WDR7: variants seen among roughly 807,000 people sequenced by gnomAD.
The protein encoded by WDR7 is WD repeat domain 7.
WDR7 carries 46 observed loss-of-function variants against 169.4 expected under a neutral mutation model. That is an observed-to-expected ratio of 0.27 (90% CI 0.21 to 0.35). The LOEUF is 0.35. Among genes scored for constraint, WDR7 ranks in the 10% least tolerant of loss-of-function variants. The pLI is 1.00. For missense variants in WDR7, 1,534 were observed against 1,859.3 expected (o/e 0.83, Z 3.22); for synonymous variants, 612 against 666.8 (o/e 0.92, Z 1.27).
At chr18:56,914,553 T>C (rs575053131) in intron 21 of WDR7, among the ~76,000 whole-genome samples, 1 of 152,152 alleles carries the variant, frequency 6.6e-6, no homozygotes, top group Non-Finnish European at 1.5e-5. Flanking sequence ...CCTCCTTCCA[T>C]CTCTTTCGCT....
chr18:56,880,065 A>T lies in WDR7; in HGVS notation c.3426A>T (p.Glu1142Asp). ...VIGAEFGAEI[E>D]PPKLLTRPRS... is the part of the protein sequence containing the mutation. Reference sequence around the variant, plus strand: ...GAGCTGAATTTGGTGCTGAAATTGAACCTCCTAAACTATTGACCAGACCTC... The same window carrying T: ...GAGCTGAATTTGGTGCTGAAATTGATCCTCCTAAACTATTGACCAGACCTC... Residue 1142 changes from glutamate to aspartate, a missense_variant, in exon 21 of 28, where the codon GAA becomes GAT. Coordinates refer to ENST00000254442, the MANE Select transcript of WDR7 (RefSeq NM_015285.3). 1 of 1,613,990 alleles carries T rather than the reference A, an allele frequency of 6.2e-7. No individual in the cohort carries two copies. The highest frequency in any genetic ancestry group is 8.5e-7 in the Non-Finnish European group (1 of 1,179,966).
At chr18:56,826,678 C>T (rs908490581) in intron 20 of WDR7, among the ~76,000 whole-genome samples, 9 of 152,108 alleles carry the variant, frequency 5.9e-5, no homozygotes, top group Non-Finnish European at 1.3e-4. Flanking sequence ...ATTTTCTCAT[C>T]TTTTTTGTTA....
intron 25 of WDR7, among the ~76,000 whole-genome samples, chr18:56,950,923 G>A (rs1402474942): frequency 6.6e-6 from 1 of 152,192 alleles, no homozygotes; most frequent in Non-Finnish European, 1.5e-5. Flanking sequence ...TCTTAAATGT[G>A]TCAGGCTTGC....
chr18:56,725,092 T>G (rs2026413583), intron 13 of WDR7, among the ~76,000 whole-genome samples: 1 of 150,912 alleles, frequency 6.6e-6, no homozygotes, highest in Admixed American at 6.6e-5. Flanking sequence ...TTTGCTATTG[T>G]GAATAGTGCT....
At chr18:56,804,179 G>A (rs892371829) in intron 19 of WDR7, among the ~76,000 whole-genome samples, 1 of 152,176 alleles carries the variant, frequency 6.6e-6, no homozygotes, top group Non-Finnish European at 1.5e-5. Context: ...AGGCAGCCTG[G>A]CTGGGTTGCC....
At chr18:56,746,493 T>C (rs1279307689) in intron 14 of WDR7, among the ~76,000 whole-genome samples, 2 of 152,168 alleles carry the variant, frequency 1.3e-5, no homozygotes, top group Admixed American at 6.5e-5. Context: ...TTCACTTCTA[T>C]TTCAGTAAGT....
At chr18:56,703,722 T>A (rs920728532) in intron 12 of WDR7, among the ~76,000 whole-genome samples, 5 of 152,072 alleles carry the variant, frequency 3.3e-5, no homozygotes, top group African/African-American at 1.2e-4. Context: ...ATCATATTTG[T>A]CACTAAGAAT....
chr18:56,740,680 G>C (rs1181662204), intron 14 of WDR7, among the ~76,000 whole-genome samples: 1 of 152,110 alleles, frequency 6.6e-6, no homozygotes, highest in Admixed American at 6.5e-5. Context: ...GCTTCCAACA[G>C]AGAGCCCAGA....
intron 21 of WDR7, among the ~76,000 whole-genome samples, chr18:56,883,011 A>C (rs187335120): frequency 7.2e-5 from 11 of 152,170 alleles, no homozygotes; most frequent in Admixed American, 3.9e-4. Flanking sequence ...TCGGGAGGTC[A>C]GGAGATTGAG....
At chr18:56,779,300 A>G in intron 17 of WDR7, 131 bp from the exon 18 acceptor site, 1 of 586,518 alleles carries the variant, frequency 1.7e-6, no homozygotes, top group Non-Finnish European at 2.9e-6. Context: ...TCTACTATTA[A>G]ATTGAAATCA....
intron 20 of WDR7, among the ~76,000 whole-genome samples, chr18:56,833,182 C>T (rs940300480): frequency 6.6e-6 from 1 of 151,760 alleles, no homozygotes; most frequent in African/African-American, 2.4e-5. Flanking sequence ...ACGAGAACTT[C>T]GTGAAGCATA....
chr18:56,749,938 T>G (rs892118533), intron 14 of WDR7, among the ~76,000 whole-genome samples: 2 of 150,750 alleles, frequency 1.3e-5, no homozygotes, highest in Admixed American at 6.6e-5. Context: ...TGATAAGGAT[T>G]CATCAACATG....
chr18:56,849,795 C>T (rs1489824696), intron 20 of WDR7, among the ~76,000 whole-genome samples: 1 of 152,164 alleles, frequency 6.6e-6, no homozygotes, highest in Non-Finnish European at 1.5e-5. Context: ...GATGAAGTCT[C>T]ACTGTGTTGC....
intron 12 of WDR7, among the ~76,000 whole-genome samples, chr18:56,716,951 A>C (rs2026206500): frequency 6.6e-6 from 1 of 152,138 alleles, no homozygotes; most frequent in Non-Finnish European, 1.5e-5. Context: ...TGAGATATTG[A>C]TCTTTAGTTT....
intron 20 of WDR7, among the ~76,000 whole-genome samples, chr18:56,829,120 CAA>C (rs34184203): frequency 3.4e-4 from 37 of 109,228 alleles, no homozygotes; most frequent in Admixed American, 4.8e-4. Flanking sequence ...TTCACCTCTC[CAA>C]AAAAAAAAAA....
chr18:56,908,986 G>A (rs889919330), intron 21 of WDR7, among the ~76,000 whole-genome samples: 1 of 152,084 alleles, frequency 6.6e-6, no homozygotes, highest in African/African-American at 2.4e-5. Flanking sequence ...CTAAGGAACC[G>A]TTTATCTGTA....
At chr18:57,032,801 T>TTATTTTTATATATATA (rs1210749361), downstream of WDR7, 16 of 106,190 alleles carry the variant, frequency 1.5e-4, no homozygotes, top group African/African-American at 5.1e-4. Context: ...TATAATTATT[T>TTATTTTTATATATATA]TATATATATA....
chr18:56,762,897 AT>A (rs34582934), intron 16 of WDR7, among the ~76,000 whole-genome samples: 76,306 of 142,938 alleles, frequency 0.53, 20,331 homozygotes, highest in East Asian at 0.68. Flanking sequence ...CTTAGTAAGA[AT>A]TTTTTTTTTT....
In WDR7 at chr18:56,703,893, G is replaced by C. The variant is rs373704515; in HGVS notation, c.1578+7431G>C. Among the ~76,000 whole-genome samples, 8 of 152,026 alleles carry C rather than the reference G, an allele frequency of 5.3e-5. No homozygotes were observed. The East Asian group carries it at 1.2e-3, about 22-fold the overall frequency. ...GCTCTAGAATGGTTTCTTAGGATAAGTTCTTATACTTGGAGTTGCTATAAA... is the reference window on the plus strand; with the variant it reads ...GCTCTAGAATGGTTTCTTAGGATAACTTCTTATACTTGGAGTTGCTATAAA... On this transcript the variant is annotated intron_variant, in intron 12 of 27. Transcript: ENST00000254442.
Sources: gnomAD v4.1 joint callset for allele counts (sites outside exome capture counted in the v4.1 genomes callset) on GRCh38, gnomAD v4.1.1 for gene constraint, MANE v1.5 for transcripts, NCBI Gene and HGNC (gene_info 2026-07-23, HGNC 2026-07-21) for gene names.